SARDH: variants seen among roughly 807,000 people sequenced by gnomAD.
SARDH encodes the protein sarcosine dehydrogenase, mitochondrial.
SARDH carries 95 observed loss-of-function variants against 109.1 expected under a neutral mutation model. The observed-to-expected ratio is 0.87, with a 90% confidence interval of 0.74 to 1.03. SARDH has a LOEUF of 1.03. Ranked by LOEUF, SARDH falls within the 50% of genes least tolerant of loss-of-function variation. The pLI is 0.00. For missense variants in SARDH, 1,267 were observed against 1,287.8 expected, an observed-to-expected ratio of 0.98 and a Z score of 0.25; for synonymous variants, 572 against 534.8, an observed-to-expected ratio of 1.07 and a Z score of -0.96.
At chr9:133,715,970 A>T (rs532195405) in intron 8 of SARDH, among the ~76,000 whole-genome samples, 2 of 152,336 alleles carry the variant, frequency 1.3e-5, no homozygotes, top group South Asian at 4.1e-4. Context: ...CCAGCCCTGA[A>T]GCGGGGCCAG....
In SARDH at chr9:133,675,407, A is replaced by C. The variant is rs577508420; in HGVS notation, c.2164-3710T>G. Among the ~76,000 whole-genome samples the C allele has an allele frequency of 5.3e-5, 8 of 152,318 alleles. No individual in the cohort carries two copies. In the South Asian group the frequency reaches 1.7e-3, roughly 32 times the overall value. ...CGACAATTCTCAAAAGCAAATGCAA[A>C]TGGCCAACAGGCCCAGGAAAAGATG... On this transcript the variant is annotated intron_variant, in intron 17 of 20. Transcript: ENST00000439388.
intron 19 of SARDH, among the ~76,000 whole-genome samples, chr9:133,668,383 G>GCCTCCCTCTCCCTCTCCCTTCAC (rs1357265551): frequency 1.7e-5 from 1 of 59,392 alleles, no homozygotes; most frequent in African/African-American, 8.2e-5. Flanking sequence ...TTCTCCCTCA[G>GCCTCCCTCTCCCTCTCCCTTCAC]CCTCCCTCTC....
chr9:133,702,951 C>CT lies in SARDH; in HGVS notation c.1632_1633insA (p.Glu545ArgfsTer28). On this transcript the variant is annotated frameshift_variant, in exon 13 of 21. Coordinates refer to ENST00000439388, the MANE Select transcript of SARDH (RefSeq NM_001134707.2). LOFTEE classifies it high-confidence loss of function. The stretch of plus-strand genomic sequence containing the variant: ...TGGGGCGGGAAGGCGAAGGTGTACT[C>CT]GTCTGCCAGCAGCCTGCGGTAGGCG... The CT allele has an allele frequency of 6.2e-7, 1 of 1,612,856 alleles. No homozygotes were observed.
rs1831607407 is a variant in SARDH, at chr9:133,704,351, A to G, written c.1554+597T>C. ...CAAATGCTACCCCTCAGCTGGCCTT[A>G]AGGCCTCGCGTCCCCTGCTCCCGAG... On this transcript the variant is annotated intron_variant, in intron 12 of 20. Coordinates refer to ENST00000439388, the MANE Select transcript of SARDH (RefSeq NM_001134707.2). The surrounding 1 kb of genome is among the most constrained non-coding windows in gnomAD (Gnocchi z 4.5). Among the ~76,000 whole-genome samples the G allele has an allele frequency of 6.6e-6, 1 of 152,138 alleles. No individual in the cohort carries two copies. Among genetic ancestry groups the G allele is most frequent in the Non-Finnish European group, 1.5e-5 (1 of 68,012 alleles).
At chr9:133,667,137 C>T in intron 19 of SARDH, 1 of 579,198 alleles carries the variant, frequency 1.7e-6, no homozygotes, top group Non-Finnish European at 3.0e-6. Flanking sequence ...AGAAGCGAGC[C>T]CCGTATATTT....
chr9:133,730,575 A>T (rs1166416119), intron 4 of SARDH, among the ~76,000 whole-genome samples: 1 of 150,990 alleles, frequency 6.6e-6, no homozygotes, highest in Non-Finnish European at 1.5e-5. Flanking sequence ...TCTATTTTGC[A>T]TACATATATA....
chr9:133,731,140 C>G (rs1467122061), intron 4 of SARDH, among the ~76,000 whole-genome samples, 165 bp downstream of exon 4: 1 of 152,206 alleles, frequency 6.6e-6, no homozygotes, highest in Non-Finnish European at 1.5e-5. Flanking sequence ...GGCATAGCCT[C>G]CCCTTGGCAG....
intron 8 of SARDH, among the ~76,000 whole-genome samples, chr9:133,714,913 G>A (rs1832062523): frequency 1.3e-5 from 2 of 152,344 alleles, no homozygotes; most frequent in Admixed American, 1.3e-4. Context: ...GAATCTGCGG[G>A]GAGCGCTATC....
intron 4 of SARDH, among the ~76,000 whole-genome samples, chr9:133,730,773 C>T (rs575682306): frequency 3.3e-5 from 5 of 152,110 alleles, no homozygotes; most frequent in African/African-American, 1.2e-4. Context: ...GTCAGGAGAT[C>T]AAGACCATCC....
chr9:133,698,941 A>G (rs1390726870), intron 13 of SARDH, among the ~76,000 whole-genome samples: 1 of 152,256 alleles, frequency 6.6e-6, no homozygotes, highest in African/African-American at 2.4e-5. Flanking sequence ...TAAAAGCTGC[A>G]AACAATGCCA....
At chr9:133,687,246 CA>C (rs1388124260) in intron 16 of SARDH, among the ~76,000 whole-genome samples, 2 of 152,204 alleles carry the variant, frequency 1.3e-5, no homozygotes, top group Admixed American at 6.5e-5. Flanking sequence ...CTCTCCCAGC[CA>C]CGCAAGGATA....
In SARDH at chr9:133,721,143, T is replaced by C. The variant is rs1035904705; in HGVS notation, c.916-2101A>G. Among the ~76,000 whole-genome samples, 7 of 152,058 alleles carry C rather than the reference T, an allele frequency of 4.6e-5. No individual in the cohort carries two copies. The South Asian group carries it at 1.2e-3, about 27-fold the overall frequency. On this transcript the variant is annotated intron_variant, in intron 6 of 20. Coordinates refer to ENST00000439388, the MANE Select transcript of SARDH (RefSeq NM_001134707.2). ...CAACAGCCCAAGAAGAGTCCTCCGATTGAAAATCACGCATTCATATGGAAG... is the reference window on the plus strand; with the variant it reads ...CAACAGCCCAAGAAGAGTCCTCCGACTGAAAATCACGCATTCATATGGAAG...
chr9:133,700,684 C>T (rs1157152252), intron 13 of SARDH, among the ~76,000 whole-genome samples: 2 of 151,804 alleles, frequency 1.3e-5, no homozygotes, highest in Non-Finnish European at 1.5e-5. Flanking sequence ...ATATAGTATG[C>T]GAATTAGATC....
rs775247125 is a variant in SARDH, at chr9:133,704,997, C to G, written c.1505G>C (p.Arg502Pro). ...LLGQGCVFQE[R>P]HGWERPGWFH... Reference sequence around the variant, plus strand: ...CCATCCCGGTCGCTCCCAGCCATGCCGCTCCTGGAACACGCAGCCTTGTCC... The same window carrying G: ...CCATCCCGGTCGCTCCCAGCCATGCGGCTCCTGGAACACGCAGCCTTGTCC... Residue 502 changes from arginine to proline, a missense_variant, in exon 12 of 21, where the codon CGG becomes CCG. By Grantham distance (103) the Arg-to-Pro change is moderately radical (BLOSUM62 -2). Transcript: ENST00000439388. This position sits in a 1 kb window ranked among gnomAD's most constrained non-coding sequence, Gnocchi z 4.5. 3 of 1,591,424 alleles carry G rather than the reference C, an allele frequency of 1.9e-6. No individual in the cohort carries two copies. The highest frequency in any genetic ancestry group is 1.7e-4 in the Middle Eastern group (1 of 5,990).
intron 15 of SARDH, among the ~76,000 whole-genome samples, chr9:133,691,993 T>C (rs1460987848): frequency 6.6e-6 from 1 of 152,132 alleles, no homozygotes; most frequent in Non-Finnish European, 1.5e-5. Flanking sequence ...GGAAAGCTAA[T>C]TGTGCACCAC....
chr9:133,696,396 G>T, intron 13 of SARDH, 35 bp from the exon 14 acceptor site: 1 of 1,613,346 alleles, frequency 6.2e-7, no homozygotes, highest in Non-Finnish European at 8.5e-7. Context: ...ATGCCACGGG[G>T]GCCTTTGGGG....
Position 133,713,084 on chromosome 9 carries a change from TG to T in SARDH, c.1190del (p.Ala397AspfsTer18). Reference sequence around the variant, plus strand: ...CCAGGAAGAACCCTCGGAGCTCAGGTGCCTCCCCCATCAGGGGCTTGTGGTC... The same window carrying T: ...CCAGGAAGAACCCTCGGAGCTCAGGTCCTCCCCCATCAGGGGCTTGTGGTC... ...TPDHKPLMGE[A>X]PELRGFFLGC... On this transcript the variant is annotated frameshift_variant, in exon 9 of 21. Coordinates refer to ENST00000439388, the MANE Select transcript of SARDH (RefSeq NM_001134707.2). LOFTEE classifies it high-confidence loss of function. 7 of 1,613,398 alleles carry T rather than the reference TG, an allele frequency of 4.3e-6. No individual in the cohort carries two copies. Among genetic ancestry groups the T allele is most frequent in the Non-Finnish European group, 5.9e-6 (7 of 1,179,934 alleles).
intron 19 of SARDH, among the ~76,000 whole-genome samples, chr9:133,670,119 G>C (rs1017760961): frequency 1.9e-4 from 29 of 152,234 alleles, no homozygotes; most frequent in Non-Finnish European, 3.8e-4. Flanking sequence ...ACGAGGTCAG[G>C]AGAGTTCAAG....
intron 17 of SARDH, among the ~76,000 whole-genome samples, chr9:133,681,193 C>G (rs1456694725): frequency 6.6e-6 from 1 of 152,166 alleles, no homozygotes; most frequent in Non-Finnish European, 1.5e-5. Context: ...AGGATGGGGC[C>G]CACAGGGATG....
Sources: allele counts gnomAD v4.1 joint callset (sites outside exome capture counted in the v4.1 genomes callset), GRCh38; gene constraint gnomAD v4.1.1; non-coding constraint Gnocchi (gnomAD v3.1); transcripts MANE v1.5; gene names NCBI Gene and HGNC (gene_info 2026-07-23, HGNC 2026-07-21).